Variants in ERG observed in about 807,000 individuals in gnomAD.
ERG encodes the protein transcriptional regulator ERG.
In ERG, 9 loss-of-function variants were observed where a neutral mutation model predicts 55.3. That is an observed-to-expected ratio of 0.16 (90% CI 0.10 to 0.28). The LOEUF is 0.28. Among genes scored for constraint, ERG ranks in the 10% least tolerant of loss-of-function variants. ERG has a pLI of 1.00. For synonymous variants in ERG, 223 were observed against 237.3 expected, an observed-to-expected ratio of 0.94 and a Z score of 0.55; for missense variants, 434 against 631.6, an observed-to-expected ratio of 0.69 and a Z score of 3.35.
chr21:38,507,996 C>CAG (rs1568866281), intron 2 of ERG, among the ~76,000 whole-genome samples: 1 of 52,360 alleles, frequency 1.9e-5, no homozygotes. Context: ...GACACACACA[C>CAG]ATGCACACAC....
At chr21:38,507,880 A>G (rs979806262) in intron 2 of ERG, among the ~76,000 whole-genome samples, 1 of 140,068 alleles carries the variant, frequency 7.1e-6, no homozygotes. Context: ...CCTGCTGACC[A>G]TCCACAAAGT....
Position 38,403,520 on chromosome 21 carries a change from T to C in ERG, c.578A>G (p.His193Arg). ...GGGGAGCTTACTCTCTCTGAGGTAGTGGAGATGTGAGAGAAGGATGTCGGC... is the reference window on the plus strand; with the variant it reads ...GGGGAGCTTACTCTCTCTGAGGTAGCGGAGATGTGAGAGAAGGATGTCGGC... ...YNADILLSHLHYLRETPLPHL... is the reference protein window; with the variant it reads ...YNADILLSHLRYLRETPLPHL... Residue 193 changes from histidine (H) to arginine (R), a missense_variant, in exon 4 of 10, where the codon CAC becomes CGC. Physicochemically the swap from His to Arg is conservative, Grantham distance 29. Transcript: ENST00000288319. 6.2e-7 allele frequency: 1 copy of C among 1,613,842 alleles called. No individual in the cohort carries two copies. The highest frequency in any genetic ancestry group is 8.5e-7 in the Non-Finnish European group (1 of 1,179,774).
chr21:38,628,918 GGCCT>G (rs2060340848), intron 1 of ERG, among the ~76,000 whole-genome samples: 1 of 152,100 alleles, frequency 6.6e-6, no homozygotes, highest in African/African-American at 2.4e-5. Flanking sequence ...AGAGGACTAG[GGCCT>G]CCCCAGTAAC....
At chr21:38,429,377 A>C (rs987272560) in intron 2 of ERG, among the ~76,000 whole-genome samples, 3 of 88,100 alleles carry the variant, frequency 3.4e-5, no homozygotes, top group African/African-American at 9.6e-5. Flanking sequence ...GTACACATAT[A>C]CATATATATG....
intron 1 of ERG, among the ~76,000 whole-genome samples, chr21:38,458,698 G>A (rs1033190672): frequency 1.3e-5 from 2 of 152,138 alleles, no homozygotes; most frequent in African/African-American, 2.4e-5. Context: ...AGCAAGAGTC[G>A]TGTGTTGGTC....
chr21:38,627,943 C>CCTT (rs1555876063), intron 1 of ERG, among the ~76,000 whole-genome samples: 1 of 142,628 alleles, frequency 7.0e-6, no homozygotes. Context: ...GTTTTCTCTT[C>CCTT]TTTTTTTTTT....
intron 3 of ERG, among the ~76,000 whole-genome samples, chr21:38,420,876 A>G (rs934717387): frequency 6.6e-6 from 1 of 152,166 alleles, no homozygotes; most frequent in Admixed American, 6.5e-5. Flanking sequence ...GGATTCTCTC[A>G]TCTTTGAGAT....
At chr21:38,555,654 A>G (rs977370261) in intron 2 of ERG, among the ~76,000 whole-genome samples, 44 of 152,186 alleles carry the variant, frequency 2.9e-4, no homozygotes, top group African/African-American at 1.0e-3. Flanking sequence ...AAGAAGAAAA[A>G]TTCAAGTCCA....
At chr21:38,479,120 G>A (rs558805156) in intron 1 of ERG, among the ~76,000 whole-genome samples, 1 of 152,286 alleles carries the variant, frequency 6.6e-6, no homozygotes, top group African/African-American at 2.4e-5. Context: ...TATTATGCTG[G>A]ATTTAACAAT....
chr21:38,482,059 T>C (rs760058981), intron 1 of ERG, among the ~76,000 whole-genome samples: 2 of 152,212 alleles, frequency 1.3e-5, no homozygotes, highest in African/African-American at 2.4e-5. Flanking sequence ...ATGCAGGCTA[T>C]GGGTTGCCTG....
At chr21:38,445,650 A>T (rs775143885) in intron 1 of ERG, 29 bp from the exon 2 acceptor site, 1 of 1,577,072 alleles carries the variant, frequency 6.3e-7, no homozygotes, top group South Asian at 1.1e-5. Context: ...ACATAATTCA[A>T]GACACTCCAA....
chr21:38,487,701 T>C (rs908206199), intron 1 of ERG, among the ~76,000 whole-genome samples: 4 of 152,318 alleles, frequency 2.6e-5, no homozygotes, highest in East Asian at 1.9e-4. Flanking sequence ...AGCTGTCTCA[T>C]GGAGTTTCAC....
chr21:38,374,593 A>C, the ERG span, among the ~76,000 whole-genome samples: 1 of 152,226 alleles, frequency 6.6e-6, no homozygotes, highest in Non-Finnish European at 1.5e-5. Flanking sequence ...TACCGAAGTT[A>C]TGCAAACTCT....
intron 1 of ERG, among the ~76,000 whole-genome samples, chr21:38,464,702 C>G (rs2059072995): frequency 6.6e-6 from 1 of 152,032 alleles, no homozygotes; most frequent in Non-Finnish European, 1.5e-5. Context: ...TCTCCTAATG[C>G]TATCCCTCAC....
chr21:38,390,638 C>T (rs1177330825), intron 9 of ERG, among the ~76,000 whole-genome samples: 1 of 152,140 alleles, frequency 6.6e-6, no homozygotes, highest in East Asian at 1.9e-4. Flanking sequence ...CAGATCCCTC[C>T]CTCACAGCCC....
chr21:38,440,387 C>T (rs1469184155), intron 2 of ERG, among the ~76,000 whole-genome samples: 3 of 152,206 alleles, frequency 2.0e-5, no homozygotes, highest in South Asian at 2.1e-4. Context: ...GCAGAATCTG[C>T]GTCTCCGTGA....
At chr21:38,386,359 A>C (rs1449665579) in intron 9 of ERG, among the ~76,000 whole-genome samples, 3 of 152,246 alleles carry the variant, frequency 2.0e-5, no homozygotes, top group African/African-American at 7.2e-5. Context: ...TAAATGGTAG[A>C]AAGAGTAACA....
chr21:38,411,588 G>A (rs1248453171), intron 3 of ERG, among the ~76,000 whole-genome samples: 6 of 152,208 alleles, frequency 3.9e-5, no homozygotes, highest in South Asian at 4.1e-4. Flanking sequence ...GATTGCAGGC[G>A]TGAGCCACCA....
At chr21:38,415,155 C>A (rs1179381108) in intron 3 of ERG, among the ~76,000 whole-genome samples, 1 of 152,202 alleles carries the variant, frequency 6.6e-6, no homozygotes, top group Non-Finnish European at 1.5e-5. Context: ...TCAGAAAGAA[C>A]TGGGTTCGAA....
Sources: allele counts gnomAD v4.1 joint callset (sites outside exome capture counted in the v4.1 genomes callset), GRCh38; gene constraint gnomAD v4.1.1; transcripts MANE v1.5; gene names NCBI Gene and HGNC (gene_info 2026-07-23, HGNC 2026-07-21).